PRELID2: variants seen among roughly 807,000 people sequenced by gnomAD.
The protein encoded by PRELID2 is PRELI domain containing 2.
In PRELID2, 25 loss-of-function variants were observed where a neutral mutation model predicts 28.4. The ratio of observed to expected loss-of-function variants is 0.88; its 90% CI spans 0.64 to 1.23. The LOEUF (loss-of-function observed/expected upper bound fraction) is 1.23, where lower values mean the gene tolerates loss of function less well. Ranked by LOEUF, PRELID2 falls within the 50% of genes most tolerant of loss-of-function variation. PRELID2 has a pLI of 0.00. For synonymous variants in PRELID2, 76 were observed against 71.6 expected, an observed-to-expected ratio of 1.06 and a Z score of -0.31; for missense variants, 201 against 214.4, an observed-to-expected ratio of 0.94 and a Z score of 0.39.
At chr5:145,606,598 C>A (rs928812279) in intron 1 of PRELID2, among the ~76,000 whole-genome samples, 1 of 152,232 alleles carries the variant, frequency 6.6e-6, no homozygotes, top group East Asian at 1.9e-4. Flanking sequence ...ACTAACCTTG[C>A]ATGCCATGGA....
At chr5:145,531,799 C>T (rs1466573589) in intron 1 of PRELID2, among the ~76,000 whole-genome samples, 1 of 152,124 alleles carries the variant, frequency 6.6e-6, no homozygotes. Context: ...AACCTGCTAA[C>T]CAATATCTAC....
At chr5:145,520,328 T>C (rs1309748987) in intron 1 of PRELID2, among the ~76,000 whole-genome samples, 3 of 152,154 alleles carry the variant, frequency 2.0e-5, no homozygotes, top group African/African-American at 7.2e-5. Flanking sequence ...ATCCTCTCTA[T>C]AAATAAAAAC....
At chr5:145,701,032 A>G (rs1755393800) in intron 1 of PRELID2, among the ~76,000 whole-genome samples, 1 of 152,234 alleles carries the variant, frequency 6.6e-6, no homozygotes, top group Non-Finnish European at 1.5e-5. Flanking sequence ...TGGTCAAGTC[A>G]GGAGATATTA....
downstream of PRELID2, among the ~76,000 whole-genome samples, chr5:145,755,582 G>T (rs1757234812): frequency 6.6e-6 from 1 of 152,162 alleles, no homozygotes; most frequent in Non-Finnish European, 1.5e-5. Context: ...CAGTTCTTTA[G>T]GGATGGACTA....
chr5:145,738,202 G>T lies in PRELID2; in HGVS notation n.70+26729C>A, dbSNP rs182233068. 2.6e-5 allele frequency among the ~76,000 whole-genome samples: 4 copies of T among 152,240 alleles called. No individual in the cohort carries two copies. The East Asian group carries it at 7.7e-4, about 29-fold the overall frequency. ...ACAACGTATTGCCCACCCTTCCCCAGCTGGAGTAATGTCACAATAACCGAG... is the reference window on the plus strand; with the variant it reads ...ACAACGTATTGCCCACCCTTCCCCATCTGGAGTAATGTCACAATAACCGAG... On this transcript the variant is annotated intron_variant and non_coding_transcript_variant, in intron 1 of 2. Transcript: ENST00000510259.
chr5:145,392,392 A>T, the PRELID2 span, among the ~76,000 whole-genome samples: 1 of 152,134 alleles, frequency 6.6e-6, no homozygotes, highest in South Asian at 2.1e-4. Context: ...AGAGAACAGC[A>T]TGAGAGTAAC....
At chr5:145,822,990 A>T (rs1754932610) in intron 2 of PRELID2, 87 bp downstream of exon 2, 1 of 688,878 alleles carries the variant, frequency 1.5e-6, no homozygotes, top group African/African-American at 1.8e-5. Context: ...AAAAAACCTA[A>T]TAGGCCACAC....
chr5:145,369,488 A>G, the PRELID2 span, among the ~76,000 whole-genome samples: 2 of 152,078 alleles, frequency 1.3e-5, no homozygotes, highest in African/African-American at 2.4e-5. Context: ...TCCATGGTGT[A>G]TATGTACCAC....
the PRELID2 span, among the ~76,000 whole-genome samples, chr5:145,256,960 G>A: frequency 6.6e-6 from 1 of 151,636 alleles, no homozygotes; most frequent in Non-Finnish European, 1.5e-5. Context: ...ATCTTCAATA[G>A]GCTTGTACTA....
At chr5:145,589,986 G>A (rs1434288117) in intron 1 of PRELID2, among the ~76,000 whole-genome samples, 4 of 152,102 alleles carry the variant, frequency 2.6e-5, no homozygotes, top group Admixed American at 2.0e-4. Context: ...TAATATGCAT[G>A]ATATTCTTAT....
intron 1 of PRELID2, among the ~76,000 whole-genome samples, chr5:145,576,916 T>C (rs1753065416): frequency 6.6e-6 from 1 of 152,116 alleles, no homozygotes. Context: ...AAATATTACA[T>C]GTACCCCTAA....
At chr5:145,592,887 T>C (rs1753252347) in intron 1 of PRELID2, among the ~76,000 whole-genome samples, 1 of 152,170 alleles carries the variant, frequency 6.6e-6, no homozygotes, top group Non-Finnish European at 1.5e-5. Context: ...GCACCAATAG[T>C]TTGACTACAC....
chr5:145,421,375 G>C, the PRELID2 span, among the ~76,000 whole-genome samples: 1 of 150,714 alleles, frequency 6.6e-6, no homozygotes, highest in Non-Finnish European at 1.5e-5. Flanking sequence ...GAATCTTTTT[G>C]GTTGGTAAGC....
chr5:145,753,594 A>G (rs1757181735), downstream of PRELID2, among the ~76,000 whole-genome samples: 1 of 152,146 alleles, frequency 6.6e-6, no homozygotes, highest in African/African-American at 2.4e-5. Flanking sequence ...GTTACTACTG[A>G]TAAGAGAACA....
chr5:145,434,700 C>A, the PRELID2 span, among the ~76,000 whole-genome samples: 1 of 152,182 alleles, frequency 6.6e-6, no homozygotes, highest in South Asian at 2.1e-4. Flanking sequence ...GTCAACCTGG[C>A]ATCTCTATCT....
intron 1 of PRELID2, among the ~76,000 whole-genome samples, chr5:145,616,473 C>T (rs1017315859): frequency 2.6e-5 from 4 of 152,202 alleles, no homozygotes; most frequent in African/African-American, 4.8e-5. Flanking sequence ...CCCTAAGTGT[C>T]GGCCGGTCTG....
At chr5:145,607,814 G>A (rs965520439) in intron 1 of PRELID2, among the ~76,000 whole-genome samples, 25 of 152,082 alleles carry the variant, frequency 1.6e-4, no homozygotes, top group African/African-American at 5.8e-4. Context: ...TTTCTGCTAC[G>A]ATGATTTGTC....
the PRELID2 span, among the ~76,000 whole-genome samples, chr5:145,280,519 T>G: frequency 1.3e-5 from 2 of 152,006 alleles, no homozygotes; most frequent in Admixed American, 6.6e-5. Context: ...TCATGAAATG[T>G]TTGGATAGCT....
intron 1 of PRELID2, among the ~76,000 whole-genome samples, chr5:145,556,806 A>G (rs1752883447): frequency 6.6e-6 from 1 of 152,088 alleles, no homozygotes; most frequent in African/African-American, 2.4e-5. Flanking sequence ...TCTTTTCACC[A>G]CAGCACCACT....
Sources: gnomAD v4.1 joint callset for allele counts (sites outside exome capture counted in the v4.1 genomes callset) on GRCh38, gnomAD v4.1.1 for gene constraint, MANE v1.5 for transcripts, NCBI Gene and HGNC (gene_info 2026-07-23, HGNC 2026-07-21) for gene names.